SLIT3: variants seen among roughly 807,000 people sequenced by gnomAD.
SLIT3 encodes slit guidance ligand 3, also known as slit homolog 3 protein.
Under a neutral mutation model 184.0 loss-of-function variants are expected in SLIT3, and 68 were observed. The observed-to-expected ratio is 0.37, with a 90% CI of 0.30 to 0.45. SLIT3 has a LOEUF of 0.45. Ranked by LOEUF, SLIT3 falls within the 20% of genes least tolerant of loss-of-function variation. The pLI is 1.00. For missense variants in SLIT3, 1,707 were observed against 2,026.0 expected, an observed-to-expected ratio of 0.84 and a Z score of 3.02; for synonymous variants, 831 against 828.6, an observed-to-expected ratio of 1.00 and a Z score of -0.05.
chr5:169,140,389 A>G (rs1761680583), intron 4 of SLIT3, among the ~76,000 whole-genome samples: 1 of 143,452 alleles, frequency 7.0e-6, no homozygotes, highest in South Asian at 2.3e-4. Flanking sequence ...CTGAGACAGC[A>G]GAATTGCTTG....
chr5:168,994,645 T>A, intron 4 of SLIT3, among the ~76,000 whole-genome samples: 1 of 107,420 alleles, frequency 9.3e-6, no homozygotes, highest in Non-Finnish European at 2.0e-5. Flanking sequence ...TTTTTTTTTT[T>A]TTTTTTTTTT....
intron 5 of SLIT3, among the ~76,000 whole-genome samples, chr5:168,863,674 A>T (rs1759194637): frequency 6.6e-6 from 1 of 152,188 alleles, no homozygotes. Context: ...CTGGCATCAG[A>T]TGCCAGGGAA....
chr5:168,982,171 G>A (rs1303001127), intron 4 of SLIT3, among the ~76,000 whole-genome samples: 1 of 152,138 alleles, frequency 6.6e-6, no homozygotes, highest in African/African-American at 2.4e-5. Context: ...CTTCTATTCT[G>A]TATATCTGCT....
chr5:169,243,314 T>C (rs1466897530), intron 3 of SLIT3, among the ~76,000 whole-genome samples: 1 of 152,194 alleles, frequency 6.6e-6, no homozygotes, highest in East Asian at 1.9e-4. Context: ...ATGCTGAATA[T>C]TTCATACAAA....
At position 168,964,960 on chromosome 5, in the gene SLIT3, C is replaced by G. The variant is rs140314563; in HGVS notation, c.414-81624G>C. Among the ~76,000 whole-genome samples the G allele has an allele frequency of 4.1e-4, 63 of 152,288 alleles. No homozygotes were observed. In the East Asian group the frequency reaches 0.011, roughly 27 times the overall value. On this transcript the variant is annotated intron_variant, in intron 4 of 35. Coordinates refer to ENST00000519560, the MANE Select transcript of SLIT3 (RefSeq NM_003062.4). Reference sequence around the variant, plus strand: ...GCAGTCTGCAGGTCACAACCAGGACCAGAACCAAGACTAGGGAGACGTGTC... The same window carrying G: ...GCAGTCTGCAGGTCACAACCAGGACGAGAACCAAGACTAGGGAGACGTGTC...
chr5:169,173,130 A>G (rs1762867246), intron 4 of SLIT3, among the ~76,000 whole-genome samples: 1 of 152,174 alleles, frequency 6.6e-6, no homozygotes, highest in South Asian at 2.1e-4. Flanking sequence ...GTGTGGTGGC[A>G]CATGCCTATA....
chr5:169,199,579 A>G (rs1186001616), intron 3 of SLIT3, among the ~76,000 whole-genome samples: 2 of 152,206 alleles, frequency 1.3e-5, no homozygotes, highest in Non-Finnish European at 2.9e-5. Context: ...TGAGCACTTT[A>G]CATGCACTAC....
chr5:169,184,219 C>T (rs1464551172), intron 4 of SLIT3, among the ~76,000 whole-genome samples: 1 of 152,184 alleles, frequency 6.6e-6, no homozygotes, highest in Admixed American at 6.5e-5. Context: ...AAATACTGAA[C>T]CATGAAAGCT....
At chr5:169,247,043 A>G (rs1157785039) in intron 2 of SLIT3, among the ~76,000 whole-genome samples, 1 of 151,742 alleles carries the variant, frequency 6.6e-6, no homozygotes, top group African/African-American at 2.4e-5. Flanking sequence ...AGCCTGATCA[A>G]CAAGGTGAAA....
intron 3 of SLIT3, among the ~76,000 whole-genome samples, chr5:169,200,255 C>A (rs971886559): frequency 6.6e-6 from 1 of 152,230 alleles, no homozygotes; most frequent in African/African-American, 2.4e-5. Context: ...CTGTCAGCTG[C>A]CCAATCAGGC....
At chr5:168,847,704 C>T (rs1406502091) in intron 5 of SLIT3, among the ~76,000 whole-genome samples, 1 of 152,158 alleles carries the variant, frequency 6.6e-6, no homozygotes, top group African/African-American at 2.4e-5. Context: ...AAAATAAACA[C>T]AAGCCCAGCA....
chr5:169,272,826 G>A (rs1766674361), intron 1 of SLIT3, among the ~76,000 whole-genome samples: 1 of 152,100 alleles, frequency 6.6e-6, no homozygotes, highest in South Asian at 2.1e-4. Context: ...AATCCTCTGG[G>A]CCCCCGGGAC....
intron 32 of SLIT3, among the ~76,000 whole-genome samples, chr5:168,679,603 G>C (rs1582520690): frequency 6.6e-6 from 1 of 152,100 alleles, no homozygotes; most frequent in Non-Finnish European, 1.5e-5. Flanking sequence ...CTAGGTGCTG[G>C]TTGCTCTAAC....
intron 4 of SLIT3, among the ~76,000 whole-genome samples, chr5:168,945,961 G>A (rs922996790): frequency 6.6e-5 from 10 of 152,208 alleles, no homozygotes; most frequent in Non-Finnish European, 1.0e-4. Flanking sequence ...AAAGTTTCTC[G>A]CGTACTGTTT....
At chr5:169,210,916 G>C (rs1201381242) in intron 3 of SLIT3, among the ~76,000 whole-genome samples, 1 of 152,162 alleles carries the variant, frequency 6.6e-6, no homozygotes, top group Non-Finnish European at 1.5e-5. Flanking sequence ...ATTGATGTTG[G>C]GTGTGGCCAT....
At chr5:168,825,778 A>G (rs1019749565) in intron 6 of SLIT3, among the ~76,000 whole-genome samples, 2 of 152,212 alleles carry the variant, frequency 1.3e-5, no homozygotes, top group African/African-American at 2.4e-5. Context: ...CTATCAGACC[A>G]GGCACTCTGC....
At chr5:169,075,538 T>TA (rs1252772616) in intron 4 of SLIT3, among the ~76,000 whole-genome samples, 1 of 152,202 alleles carries the variant, frequency 6.6e-6, no homozygotes, top group African/African-American at 2.4e-5. Context: ...GGAAAGTGTT[T>TA]ACCTAAATTT....
intron 26 of SLIT3, among the ~76,000 whole-genome samples, chr5:168,703,945 A>AG (rs1762298965): frequency 2.2e-5 from 1 of 45,106 alleles, no homozygotes; most frequent in Admixed American, 1.8e-4. Context: ...CTCTGTCTCC[A>AG]AAAAAAAAAA....
chr5:169,116,532 T>C (rs867860031), intron 4 of SLIT3, among the ~76,000 whole-genome samples: 2 of 152,324 alleles, frequency 1.3e-5, no homozygotes, highest in Middle Eastern at 3.4e-3. Context: ...AAAGACATTG[T>C]TAATGACAGG....
Sources: gnomAD v4.1 joint callset for allele counts (sites outside exome capture counted in the v4.1 genomes callset) on GRCh38, gnomAD v4.1.1 for gene constraint, MANE v1.5 for transcripts, NCBI Gene and HGNC (gene_info 2026-07-23, HGNC 2026-07-21) for gene names.